Variants in GALNT18 observed in about 807,000 individuals in gnomAD.
GALNT18 encodes the protein polypeptide N-acetylgalactosaminyltransferase 18, also known as GalNAc-transferase 18.
GALNT18 carries 44 observed loss-of-function variants against 69.5 expected under a neutral mutation model. The ratio of observed to expected loss-of-function variants is 0.63; its 90% CI spans 0.50 to 0.81. The LOEUF is 0.81. Among genes scored for constraint, GALNT18 ranks in the 40% least tolerant of loss-of-function variants. The pLI, the probability that GALNT18 is intolerant of heterozygous loss-of-function variation, is 0.00. For synonymous variants in GALNT18, 364 were observed against 318.2 expected (o/e 1.14, Z -1.53); for missense variants, 715 against 810.0 (o/e 0.88, Z 1.42).
At chr11:11,354,759 G>A (rs767197599) in intron 6 of GALNT18, among the ~76,000 whole-genome samples, 3 of 152,042 alleles carry the variant, frequency 2.0e-5, no homozygotes, top group Non-Finnish European at 2.9e-5. Flanking sequence ...AAGTGCCTAC[G>A]TCTCACCTTC....
chr11:11,506,995 G>C (rs1590059845), intron 1 of GALNT18, among the ~76,000 whole-genome samples: 2 of 152,294 alleles, frequency 1.3e-5, no homozygotes, highest in African/African-American at 2.4e-5. Context: ...AATAGAAAGA[G>C]CACCTGCAAG....
intron 6 of GALNT18, chr11:11,352,890 T>G (rs1362742942): frequency 1.9e-6 from 3 of 1,613,960 alleles, no homozygotes; most frequent in Non-Finnish European, 2.5e-6. Context: ...ACGCTTAATT[T>G]TCTTCTTTTT....
intron 9 of GALNT18, among the ~76,000 whole-genome samples, chr11:11,304,588 G>C (rs1267466039): frequency 6.8e-6 from 1 of 147,714 alleles, no homozygotes; most frequent in Non-Finnish European, 1.5e-5. Flanking sequence ...TGCCTACTCT[G>C]CATCAGCTTG....
intron 2 of GALNT18, among the ~76,000 whole-genome samples, chr11:11,437,870 G>C (rs755636233): frequency 1.3e-5 from 2 of 152,136 alleles, no homozygotes; most frequent in Admixed American, 6.5e-5. Context: ...GCTATGCCAG[G>C]GTTCTGGGAG....
intron 1 of GALNT18, among the ~76,000 whole-genome samples, chr11:11,593,198 A>G (rs1052671756): frequency 6.6e-6 from 1 of 152,162 alleles, no homozygotes; most frequent in Admixed American, 6.5e-5. Context: ...TGTCCAATGC[A>G]GCTCCCTTTA....
In GALNT18 at chr11:11,314,827, C is replaced by T. The variant is rs116575026; in HGVS notation, c.1512+12259G>A. 4.3e-3 allele frequency among the ~76,000 whole-genome samples: 642 copies of T among 150,578 alleles called. 4 individuals carry two copies. The highest frequency in any genetic ancestry group is 0.02 in the South Asian group (97 of 4,748). On this transcript the variant is annotated intron_variant, in intron 9 of 10. Coordinates refer to ENST00000227756, the MANE Select transcript of GALNT18 (RefSeq NM_198516.3). This position sits in a 1 kb window ranked among gnomAD's most constrained non-coding sequence, Gnocchi z 5.2. ...TGGTAGCCCTCCTCTTCCCAGCCTT[C>T]GCCGTGGGAGCAGTTGCTCCTGGCT...
chr11:11,429,590 C>G (rs893217491), intron 3 of GALNT18, among the ~76,000 whole-genome samples: 1 of 151,954 alleles, frequency 6.6e-6, no homozygotes, highest in Non-Finnish European at 1.5e-5. Context: ...CCACTGCAGG[C>G]AGGTGAGGCA....
intron 1 of GALNT18, among the ~76,000 whole-genome samples, chr11:11,527,662 G>A (rs1857551896): frequency 6.6e-6 from 1 of 152,194 alleles, no homozygotes; most frequent in South Asian, 2.1e-4. Flanking sequence ...TATTTATAAA[G>A]CCAGATTTTA....
chr11:11,573,538 T>C lies in GALNT18; in HGVS notation c.235+47821A>G, dbSNP rs1858844202. 2.0e-5 allele frequency: 3 copies of C among 152,162 alleles called. No individual in the cohort carries two copies. The South Asian group carries it at 6.2e-4, about 32-fold the overall frequency. The allele number at this position is 152,162 out of a possible 1,614,324, so 9.4% of individuals were successfully genotyped here. ...CTTATTTTACAGATGCAGAACCTGA[T>C]GCCCAGCAAAGGGGAAAGGATAGCA... On this transcript the variant is annotated intron_variant, in intron 1 of 10. Transcript: ENST00000227756. The surrounding 1 kb of genome is among the most constrained non-coding windows in gnomAD (Gnocchi z 4.6).
At chr11:11,450,202 G>C (rs573323210) in intron 1 of GALNT18, among the ~76,000 whole-genome samples, 1 of 152,196 alleles carries the variant, frequency 6.6e-6, no homozygotes, top group Non-Finnish European at 1.5e-5. Flanking sequence ...GGACAGGAGA[G>C]GCAGGCTTGG....
intron 10 of GALNT18, 120 bp from the exon 11 acceptor site, chr11:11,271,410 G>T (rs1848824858): frequency 3.0e-6 from 3 of 1,012,890 alleles, no homozygotes; most frequent in Non-Finnish European, 4.5e-6. Context: ...ATCCCAGGAG[G>T]TCAGCATTCC....
chr11:11,330,155 T>A (rs1476194556), intron 8 of GALNT18, among the ~76,000 whole-genome samples: 2 of 152,150 alleles, frequency 1.3e-5, no homozygotes, highest in Non-Finnish European at 2.9e-5. Context: ...GCAGGAGTCA[T>A]TAATGGGACC....
rs1564964590 is a variant in GALNT18, at chr11:11,469,074, G to A, written c.236-20138C>T. 6.6e-6 allele frequency among the ~76,000 whole-genome samples: 1 copy of A among 152,136 alleles called. No individual in the cohort carries two copies. Reference sequence around the variant, plus strand: ...GCACAACCACTGCCTCTTGAGATGAGGCCACCAGGACACAGCACTCTTTAA... The same window carrying A: ...GCACAACCACTGCCTCTTGAGATGAAGCCACCAGGACACAGCACTCTTTAA... On this transcript the variant is annotated intron_variant, in intron 1 of 10. Transcript: ENST00000227756. The surrounding 1 kb of genome is among the most constrained non-coding windows in gnomAD (Gnocchi z 4.2).
Position 11,293,121 on chromosome 11 carries a change from G to A in GALNT18, c.1585C>T (p.Arg529Ter), listed in dbSNP as rs746479178. 5 of 1,371,156 alleles carry A rather than the reference G, an allele frequency of 3.6e-6. No homozygotes were observed. Among genetic ancestry groups the A allele is most frequent in the African/African-American group, 3.0e-5 (2 of 66,884 alleles). The allele number at this position is 1,371,156 out of a possible 1,614,324, so 84.9% of individuals were successfully genotyped here. ...LSPTVDDDDN[R>*]CLVDVNSRPR... ...CGGCTGTTGACGTCCACCAGGCATC[G>A]GTTGTCATCATCATCCACGGTGGGG... The change falls in exon 10 of 11, where the codon CGA becomes TGA. Residue 529 changes from arginine (R) to a stop codon, truncating the protein, a stop_gained. Transcript: ENST00000227756. LOFTEE classifies it high-confidence loss of function.
chr11:11,396,330 G>A lies in GALNT18; in HGVS notation c.596-17066C>T, dbSNP rs974801250. Among the ~76,000 whole-genome samples, 27 of 152,202 alleles carry A rather than the reference G, an allele frequency of 1.8e-4. No individual in the cohort carries two copies. The highest frequency in any genetic ancestry group is 6.3e-4 in the African/African-American group (26 of 41,446). ...GATCAAGAAGGGCAACATTTCGAGA[G>A]GTGAGGAAGAGAGAGTTTGCTTAGA... On this transcript the variant is annotated intron_variant, in intron 3 of 10. Coordinates refer to ENST00000227756, the MANE Select transcript of GALNT18 (RefSeq NM_198516.3). This position sits in a 1 kb window ranked among gnomAD's most constrained non-coding sequence, Gnocchi z 5.2.
intron 1 of GALNT18, among the ~76,000 whole-genome samples, chr11:11,450,823 A>T (rs1328355780): frequency 6.6e-6 from 1 of 152,226 alleles, no homozygotes; most frequent in Non-Finnish European, 1.5e-5. Context: ...ATATAAAGAA[A>T]GTGAGGCATA....
Position 11,614,364 on chromosome 11 carries a change from AGG to A in GALNT18, c.235+6993_235+6994del. Among the ~76,000 whole-genome samples the A allele has an allele frequency of 3.6e-5, 1 of 28,040 alleles. No homozygotes were observed. The highest frequency in any genetic ancestry group is 4.4e-4 in the Admixed American group (1 of 2,272). The allele number at this position is 28,040 out of a possible 152,430, so 18.4% of individuals were successfully genotyped here. On this transcript the variant is annotated intron_variant, in intron 1 of 10. Transcript: ENST00000227756. This position sits in a 1 kb window ranked among gnomAD's most constrained non-coding sequence, Gnocchi z 5.6. Reference sequence around the variant, plus strand: ...AGAGAGTGAGGAGAAGAAGAAGAAGAGGAGGAGGAGGAGGAGGAGGAGGAGGA... The same window carrying A: ...AGAGAGTGAGGAGAAGAAGAAGAAGAAGGAGGAGGAGGAGGAGGAGGAGGA...
At chr11:11,355,494 A>G (rs1371060288) in intron 6 of GALNT18, among the ~76,000 whole-genome samples, 1 of 152,230 alleles carries the variant, frequency 6.6e-6, no homozygotes, top group African/African-American at 2.4e-5. Context: ...CTAGTGTTCC[A>G]CTGTTATTAG....
intron 10 of GALNT18, among the ~76,000 whole-genome samples, chr11:11,284,370 CTGATTCACTAG>C (rs1849148325): frequency 6.6e-6 from 1 of 152,192 alleles, no homozygotes; most frequent in Admixed American, 6.5e-5. Flanking sequence ...CCTCTCACTT[CTGATTCACTAG>C]GTCTGAGATA....
Sources: gnomAD v4.1 joint callset for allele counts (sites outside exome capture counted in the v4.1 genomes callset) on GRCh38, gnomAD v4.1.1 for gene constraint, Gnocchi (gnomAD v3.1) non-coding constraint, MANE v1.5 for transcripts, NCBI Gene and HGNC (gene_info 2026-07-23, HGNC 2026-07-21) for gene names.